FUBP1: variants seen among roughly 807,000 people sequenced by gnomAD.
FUBP1 encodes the protein far upstream element binding protein 1, also known as far upstream element-binding protein 1.
FUBP1 carries 16 observed loss-of-function variants against 94.9 expected under a neutral mutation model. The ratio of observed to expected loss-of-function variants is 0.17; its 90% CI spans 0.11 to 0.26. The LOEUF is 0.26. FUBP1 is among the 10% of genes least tolerant of loss of function. FUBP1 has a pLI of 1.00. For missense variants in FUBP1, 583 were observed against 808.6 expected (o/e 0.72, Z 3.38); for synonymous variants, 279 against 254.9 (o/e 1.09, Z -0.90).
At chr1:77,974,658 C>T (rs1187047313) in intron 1 of FUBP1, among the ~76,000 whole-genome samples, 1 of 152,084 alleles carries the variant, frequency 6.6e-6, no homozygotes, top group Non-Finnish European at 1.5e-5. Context: ...TTATTATTAT[C>T]GTTAATACTG....
Position 77,946,932 on chromosome 1 carries a change from ACTG to A in FUBP1, c.*1831_*1833del, listed in dbSNP as rs1428559953. The A allele has an allele frequency of 2.4e-5, 5 of 204,862 alleles. No individual in the cohort carries two copies. The highest frequency in any genetic ancestry group is 3.8e-4 in the South Asian group (2 of 5,316). 12.7% of individuals were successfully genotyped at this position (204,862 alleles called of 1,614,324 possible). ...TTTCAAAATATCTACAATGAACTGT[ACTG>A]CTATTTCCATCCTGTAGGTAATCTC... On this transcript the variant is annotated 3_prime_UTR_variant, in exon 20 of 20. Coordinates refer to ENST00000370768, the MANE Select transcript of FUBP1 (RefSeq NM_003902.5).
rs747674945 is a variant in FUBP1 at position 77,979,049 on chromosome 1, T to G, written c.-45A>C. On this transcript the variant is annotated 5_prime_UTR_variant, in exon 1 of 20. Transcript: ENST00000370768. ...CTGCCGCCTGTTCAGAGACTTCCTCTCAGCTAACAGCTAAGAAAGAAAGAA... is the reference window on the plus strand; with the variant it reads ...CTGCCGCCTGTTCAGAGACTTCCTCGCAGCTAACAGCTAAGAAAGAAAGAA... 6.4e-7 allele frequency: 1 copy of G among 1,552,758 alleles called. No individual in the cohort carries two copies. Among genetic ancestry groups the G allele is most frequent in the Admixed American group, 1.9e-5 (1 of 51,408 alleles).
intron 2 of FUBP1, among the ~76,000 whole-genome samples, chr1:77,968,432 T>G (rs1246350385): frequency 6.6e-6 from 1 of 152,060 alleles, no homozygotes; most frequent in Non-Finnish European, 1.5e-5. Context: ...AGTTATCTGA[T>G]TCTTAAGAAA....
chr1:77,966,666 G>C, intron 7 of FUBP1, 28 bp downstream of exon 7: 1 of 1,155,316 alleles, frequency 8.7e-7, no homozygotes, highest in Non-Finnish European at 1.3e-6. Context: ...TGTTACTTAA[G>C]TAGATTTTTA....
At chr1:77,960,116 G>C in intron 16 of FUBP1, 68 bp downstream of exon 16, 1 of 1,154,170 alleles carries the variant, frequency 8.7e-7, no homozygotes, top group Non-Finnish European at 1.3e-6. Flanking sequence ...ATCAACACTA[G>C]AAAATTTAAT....
intron 16 of FUBP1, among the ~76,000 whole-genome samples, chr1:77,957,678 G>A (rs1654716875): frequency 1.3e-5 from 2 of 152,234 alleles, no homozygotes; most frequent in South Asian, 4.1e-4. Flanking sequence ...AGAAAAATGA[G>A]CAAGAATTTC....
Position 77,960,501 on chromosome 1 carries a change from A to G in FUBP1, c.1345-6T>C. Reference sequence around the variant, plus strand: ...CCTAAAGGATTTACTGGGCCCTACAAAAAAAAGGATGACATAGAAAAATCA... The same window carrying G: ...CCTAAAGGATTTACTGGGCCCTACAGAAAAAAGGATGACATAGAAAAATCA... On this transcript the variant is annotated splice_polypyrimidine_tract_variant and splice_region_variant and intron_variant, in intron 14 of 19. Coordinates refer to ENST00000370768, the MANE Select transcript of FUBP1 (RefSeq NM_003902.5). The G allele has an allele frequency of 1.3e-6, 2 of 1,595,360 alleles. No individual in the cohort carries two copies. The highest frequency in any genetic ancestry group is 1.8e-5 in the Admixed American group (1 of 56,100).
rs920119277 is a variant in FUBP1 at position 77,947,116 on chromosome 1, A to C, written c.*1650T>G. ...AATCCCCTTCTGTCTGATACATTTC[A>C]AGACTTTCATATTAAATATAGAAGA... is the stretch of plus-strand genomic sequence containing the variant. On this transcript the variant is annotated 3_prime_UTR_variant, in exon 20 of 20. Coordinates refer to ENST00000370768, the MANE Select transcript of FUBP1 (RefSeq NM_003902.5). The C allele has an allele frequency of 4.8e-6, 1 of 206,430 alleles. No homozygotes were observed. Among genetic ancestry groups the C allele is most frequent in the African/African-American group, 2.3e-5 (1 of 43,732 alleles). The allele number at this position is 206,430 out of a possible 1,614,324, so 12.8% of individuals were successfully genotyped here. A position where few individuals can be genotyped will look rare whatever the true frequency, so the allele number is the denominator to read the frequency against.
intron 1 of FUBP1, among the ~76,000 whole-genome samples, chr1:77,970,401 A>T (rs999540672): frequency 6.6e-6 from 1 of 152,256 alleles, no homozygotes; most frequent in African/African-American, 2.4e-5. Context: ...CTAGTAAGGT[A>T]GCCACTAGCC....
chr1:77,950,277 T>C (rs918103281), intron 18 of FUBP1, among the ~76,000 whole-genome samples: 1 of 152,130 alleles, frequency 6.6e-6, no homozygotes, highest in Non-Finnish European at 1.5e-5. Flanking sequence ...TCCTCCCACC[T>C]CAGCCTCTAG....
At chr1:77,953,885 T>A (rs1250562762) in intron 18 of FUBP1, among the ~76,000 whole-genome samples, 1 of 152,188 alleles carries the variant, frequency 6.6e-6, no homozygotes, top group Non-Finnish European at 1.5e-5. Context: ...CATTCCTCCA[T>A]AATTACCTAA....
chr1:77,975,773 A>G (rs142948806), intron 1 of FUBP1, among the ~76,000 whole-genome samples: 2 of 152,294 alleles, frequency 1.3e-5, no homozygotes, highest in East Asian at 3.9e-4. Flanking sequence ...AAATTTCTTA[A>G]GTGCACAGGC....
Position 77,979,071 on chromosome 1 carries a change from A to C in FUBP1, c.-67T>G. On this transcript the variant is annotated 5_prime_UTR_variant, in exon 1 of 20. Transcript: ENST00000370768. ...CTCTCAGCTAACAGCTAAGAAAGAA[A>C]GAAAATGGCGGCCGTCGAAGCTCTA... The C allele has an allele frequency of 6.8e-7, 1 of 1,463,628 alleles. No individual in the cohort carries two copies. The allele number at this position is 1,463,628 out of a possible 1,614,324, so 90.7% of individuals were successfully genotyped here.
At chr1:77,977,693 T>C (rs532751163) in intron 1 of FUBP1, among the ~76,000 whole-genome samples, 1 of 152,240 alleles carries the variant, frequency 6.6e-6, no homozygotes, top group South Asian at 2.1e-4. Context: ...GTCATAGTTA[T>C]ATGCTTGTTG....
intron 18 of FUBP1, 25 bp from the exon 19 acceptor site, chr1:77,949,325 C>CAACAA (rs1652880187): frequency 3.1e-6 from 5 of 1,600,520 alleles, no homozygotes; most frequent in Non-Finnish European, 4.3e-6. Context: ...AACTTTGTTG[C>CAACAA]TGTAACCACA....
intron 1 of FUBP1, among the ~76,000 whole-genome samples, chr1:77,975,769 C>T (rs1252783929): frequency 6.6e-6 from 1 of 152,066 alleles, no homozygotes; most frequent in Admixed American, 6.6e-5. Context: ...AAATAAATTT[C>T]TTAAGTGCAC....
intron 17 of FUBP1, among the ~76,000 whole-genome samples, 198 bp downstream of exon 17, chr1:77,956,374 T>C (rs1193932004): frequency 1.3e-5 from 2 of 152,236 alleles, no homozygotes; most frequent in East Asian, 3.8e-4. Flanking sequence ...AGCTGGGCTA[T>C]CTGGGTGCTC....
At chr1:77,960,678 A>G in intron 14 of FUBP1, 183 bp from the exon 15 acceptor site, 1 of 496,328 alleles carries the variant, frequency 2.0e-6, no homozygotes, top group South Asian at 3.6e-5. Context: ...GAGACATGTA[A>G]AATTCACTAA....
chr1:77,953,128 T>TA (rs939756575), intron 18 of FUBP1, among the ~76,000 whole-genome samples: 7 of 151,484 alleles, frequency 4.6e-5, no homozygotes, highest in East Asian at 1.9e-4. Flanking sequence ...GACTCCGTCT[T>TA]AAAAAAAACA....
Sources: allele counts gnomAD v4.1 joint callset (sites outside exome capture counted in the v4.1 genomes callset), GRCh38; gene constraint gnomAD v4.1.1; transcripts MANE v1.5; gene names NCBI Gene and HGNC (gene_info 2026-07-23, HGNC 2026-07-21).